PDE11A: variants seen among roughly 807,000 people sequenced by gnomAD.
PDE11A encodes phosphodiesterase 11A, also known as dual 3',5'-cyclic-AMP and -GMP phosphodiesterase 11A.
In PDE11A, 100 loss-of-function variants were observed where a neutral mutation model predicts 100.5. The observed-to-expected ratio is 1.00, with a 90% CI of 0.85 to 1.18. The LOEUF is 1.18. Ranked by LOEUF, PDE11A falls within the 50% of genes most tolerant of loss-of-function variation. The pLI is 0.00. For missense variants in PDE11A, 1,141 were observed against 1,152.6 expected (o/e 0.99, Z 0.15); for synonymous variants, 381 against 420.8 (o/e 0.91, Z 1.16).
At chr2:177,929,447 T>G (rs2085177187) in intron 2 of PDE11A, among the ~76,000 whole-genome samples, 1 of 152,186 alleles carries the variant, frequency 6.6e-6, no homozygotes, top group Non-Finnish European at 1.5e-5. Context: ...ACTACTATAC[T>G]CTGAGTAACT....
intron 2 of PDE11A, among the ~76,000 whole-genome samples, chr2:178,099,124 T>A (rs890225541): frequency 2.0e-5 from 3 of 152,214 alleles, no homozygotes; most frequent in African/African-American, 7.2e-5. Flanking sequence ...CATTTACTGA[T>A]GTTTTTAAAA....
intron 2 of PDE11A, among the ~76,000 whole-genome samples, chr2:177,980,032 G>A (rs1040162738): frequency 6.6e-6 from 1 of 150,560 alleles, no homozygotes; most frequent in Non-Finnish European, 1.5e-5. Flanking sequence ...CTCTGAAGCA[G>A]TTGACAGTGC....
At chr2:178,102,308 G>A (rs1259227707) in intron 2 of PDE11A, among the ~76,000 whole-genome samples, 1 of 151,610 alleles carries the variant, frequency 6.6e-6, no homozygotes, top group Non-Finnish European at 1.5e-5. Flanking sequence ...TGTATTTTTA[G>A]TAGAGACGGG....
chr2:177,798,079 T>G (rs2082730100), intron 9 of PDE11A, among the ~76,000 whole-genome samples: 1 of 152,210 alleles, frequency 6.6e-6, no homozygotes, highest in Non-Finnish European at 1.5e-5. Flanking sequence ...ATTGAGGTGC[T>G]TGAATAGCAT....
At chr2:177,893,596 TC>T (rs1646133198) in intron 4 of PDE11A, among the ~76,000 whole-genome samples, 1 of 152,228 alleles carries the variant, frequency 6.6e-6, no homozygotes, top group Admixed American at 6.5e-5. Flanking sequence ...TTGATATCAA[TC>T]TTTTTTTCCT....
intron 19 of PDE11A, among the ~76,000 whole-genome samples, chr2:177,661,956 C>A (rs1574018668): frequency 6.6e-6 from 1 of 152,196 alleles, no homozygotes; most frequent in South Asian, 2.1e-4. Flanking sequence ...ATCACTTAAT[C>A]TTTCTATATG....
rs16865858 is a variant in PDE11A, at chr2:177,864,921, C to T, written c.1367+10938G>A. Reference sequence around the variant, plus strand: ...TGGTCATTCACTTCTTGCTACTACACAATGCTTAGGCTTAGAATTCTGAGC... The same window carrying T: ...TGGTCATTCACTTCTTGCTACTACATAATGCTTAGGCTTAGAATTCTGAGC... On this transcript the variant is annotated intron_variant, in intron 5 of 19. Coordinates refer to ENST00000286063, the MANE Select transcript of PDE11A (RefSeq NM_016953.4). 7.2e-3 allele frequency among the ~76,000 whole-genome samples: 1,099 copies of T among 152,224 alleles called. 13 individuals are homozygous for T. The highest frequency in any genetic ancestry group is 0.025 in the African/African-American group (1,024 of 41,524).
intron 6 of PDE11A, among the ~76,000 whole-genome samples, chr2:177,834,847 G>GTT (rs148224967): frequency 6.7e-6 from 1 of 149,894 alleles, no homozygotes; most frequent in African/African-American, 2.4e-5. Context: ...CTATGCAAGA[G>GTT]TTTTTTTTTT....
At chr2:178,085,859 A>G (rs1198521476) in intron 2 of PDE11A, among the ~76,000 whole-genome samples, 1 of 152,238 alleles carries the variant, frequency 6.6e-6, no homozygotes, top group African/African-American at 2.4e-5. Context: ...ATGTGACTCT[A>G]TGAAAGCCTG....
rs1434904911 is a variant in PDE11A, at chr2:177,626,129, G to A, written c.*3278C>T. The A allele has an allele frequency of 6.6e-6, 1 of 152,600 alleles. No individual in the cohort carries two copies. The highest frequency in any genetic ancestry group is 1.5e-5 in the Non-Finnish European group (1 of 68,052). The allele number at this position is 152,600 out of a possible 1,614,324, so 9.5% of individuals were successfully genotyped here. ...AACCATGCAGTGAAGCCAATAAAAC[G>A]GCAAGAAAATGAGAGGAAAACTCAA... is the stretch of plus-strand genomic sequence containing the variant. On this transcript the variant is annotated 3_prime_UTR_variant, in exon 20 of 20. Transcript: ENST00000286063.
chr2:177,715,687 A>G (rs1201114559), intron 12 of PDE11A, among the ~76,000 whole-genome samples: 3 of 152,056 alleles, frequency 2.0e-5, no homozygotes, highest in Admixed American at 1.3e-4. Context: ...ATAGCATGCT[A>G]TTCTTCTCCC....
intron 2 of PDE11A, among the ~76,000 whole-genome samples, chr2:178,088,556 A>G (rs1056288747): frequency 6.6e-6 from 1 of 152,232 alleles, no homozygotes; most frequent in Non-Finnish European, 1.5e-5. Context: ...CACACAAATA[A>G]TTGCCAAGTT....
At chr2:177,790,141 C>T (rs1421799883) in intron 9 of PDE11A, among the ~76,000 whole-genome samples, 2 of 150,948 alleles carry the variant, frequency 1.3e-5, no homozygotes, top group South Asian at 2.1e-4. Flanking sequence ...TCAAACTATA[C>T]TACAAGGCTA....
At chr2:178,045,425 C>A (rs2086736983) in intron 1 of PDE11A, among the ~76,000 whole-genome samples, 1 of 152,042 alleles carries the variant, frequency 6.6e-6, no homozygotes, top group Non-Finnish European at 1.5e-5. Flanking sequence ...TTGTTTAGTC[C>A]TTGGCAACAC....
At position 178,071,638 on chromosome 2, in the gene PDE11A, A is replaced by G. The variant is rs1250406335; in HGVS notation, c.800T>C (p.Leu267Pro). 1.2e-6 allele frequency: 2 copies of G among 1,613,486 alleles called. No homozygotes were observed. The highest frequency in any genetic ancestry group is 1.7e-6 in the Non-Finnish European group (2 of 1,179,516). The change falls in exon 1 of 20, where the codon CTG becomes CCG. Residue 267 changes from leucine (L) to proline (P), a missense_variant. Physicochemically the swap from Leu to Pro is moderately conservative, Grantham distance 98. Transcript: ENST00000286063. ...TGAGTTCTCTGTGCTGCTGCAAGGCAGCAGAGGTGTTCCTGCATGCACATC... is the reference window on the plus strand; with the variant it reads ...TGAGTTCTCTGTGCTGCTGCAAGGCGGCAGAGGTGTTCCTGCATGCACATC... ...FFDVHAGTPL[L>P]PCSSTENSNE...
chr2:177,899,697 T>A (rs1197902546), intron 3 of PDE11A: 1 of 186,706 alleles, frequency 5.4e-6, no homozygotes, highest in African/African-American at 2.4e-5. Context: ...ATACATAAAT[T>A]ACATATATAA....
At chr2:177,828,417 C>A (rs2360221) in intron 6 of PDE11A, among the ~76,000 whole-genome samples, 124,509 of 152,120 alleles carry the variant, frequency 0.82, 51,223 homozygotes, top group East Asian at 0.98. Context: ...CAGTGAAAAA[C>A]AACAACAAAA....
intron 5 of PDE11A, among the ~76,000 whole-genome samples, chr2:177,873,027 AAAGAAAACCTG>A (rs1484135855): frequency 6.6e-6 from 1 of 152,220 alleles, no homozygotes; most frequent in Non-Finnish European, 1.5e-5. Flanking sequence ...ATGTCTCTTT[AAAGAAAACCTG>A]ACCTTTCTTT....
At chr2:177,983,701 C>A (rs2085910026) in intron 2 of PDE11A, among the ~76,000 whole-genome samples, 1 of 152,088 alleles carries the variant, frequency 6.6e-6, no homozygotes, top group Non-Finnish European at 1.5e-5. Flanking sequence ...TTCTGGGTTT[C>A]TTAATATTTT....
Sources: gnomAD v4.1 joint callset for allele counts (sites outside exome capture counted in the v4.1 genomes callset) on GRCh38, gnomAD v4.1.1 for gene constraint, MANE v1.5 for transcripts, NCBI Gene and HGNC (gene_info 2026-07-23, HGNC 2026-07-21) for gene names.